Variants in DAB1 observed in about 807,000 individuals in gnomAD.
DAB1 encodes disabled homolog 1.
In DAB1, 15 loss-of-function variants were observed where a neutral mutation model predicts 64.6. The observed-to-expected ratio is 0.23, with a 90% CI of 0.16 to 0.36. The LOEUF (loss-of-function observed/expected upper bound fraction) is 0.36. DAB1 is among the 10% of genes least tolerant of loss of function. DAB1 has a pLI of 1.00. For missense variants in DAB1, 596 were observed against 706.7 expected, an observed-to-expected ratio of 0.84 and a Z score of 1.78; for synonymous variants, 235 against 251.9, an observed-to-expected ratio of 0.93 and a Z score of 0.64.
chr1:57,537,477 C>T (rs1181899595), intron 7 of DAB1, among the ~76,000 whole-genome samples: 5 of 152,162 alleles, frequency 3.3e-5, no homozygotes, highest in Admixed American at 6.5e-5. Context: ...ATATCAAAAT[C>T]GCCTGGATAG....
intron 1 of DAB1, chr1:57,866,906 T>C (rs1205710760): frequency 6.6e-6 from 1 of 152,132 alleles, no homozygotes; most frequent in Non-Finnish European, 1.5e-5. Flanking sequence ...AGGTGAAAGC[T>C]CCTGGGCCAA....
At chr1:57,734,943 G>T (rs1320867229) in intron 6 of DAB1, among the ~76,000 whole-genome samples, 1 of 152,192 alleles carries the variant, frequency 6.6e-6, no homozygotes, top group Non-Finnish European at 1.5e-5. Context: ...CATTCCAGAA[G>T]AATTGTTTTC....
intron 1 of DAB1, among the ~76,000 whole-genome samples, chr1:57,341,195 G>C (rs931463030): frequency 6.6e-6 from 1 of 152,142 alleles, no homozygotes; most frequent in Non-Finnish European, 1.5e-5. Context: ...CAAAATCTAT[G>C]CTCTTAACCC....
At chr1:58,121,580 T>G (rs1465381737) in intron 5 of DAB1, among the ~76,000 whole-genome samples, 1 of 152,158 alleles carries the variant, frequency 6.6e-6, no homozygotes, top group African/African-American at 2.4e-5. Flanking sequence ...TCTTTCTTAG[T>G]TCTGCCAGCA....
chr1:57,018,352 G>C (rs1287675361), intron 11 of DAB1, among the ~76,000 whole-genome samples: 2 of 152,064 alleles, frequency 1.3e-5, no homozygotes, highest in Non-Finnish European at 2.9e-5. Context: ...TCTACTTACA[G>C]GTATATACAT....
chr1:57,594,809 C>T (rs1645486741), intron 7 of DAB1, among the ~76,000 whole-genome samples: 1 of 152,168 alleles, frequency 6.6e-6, no homozygotes, highest in Non-Finnish European at 1.5e-5. Context: ...CTCCCGGGTT[C>T]ACGCCATTCT....
intron 7 of DAB1, among the ~76,000 whole-genome samples, chr1:57,497,979 G>C (rs1185547297): frequency 6.6e-6 from 1 of 152,234 alleles, no homozygotes; most frequent in Non-Finnish European, 1.5e-5. Context: ...AGTAGTCCCA[G>C]AGGGGAAGCA....
At chr1:57,665,366 A>C (rs1425397309) in intron 6 of DAB1, among the ~76,000 whole-genome samples, 10 of 152,122 alleles carry the variant, frequency 6.6e-5, no homozygotes, top group Non-Finnish European at 1.5e-4. Context: ...TAGTAGGGAG[A>C]TAAGTATGCT....
At chr1:57,921,449 A>T (rs1305968859) in intron 5 of DAB1, among the ~76,000 whole-genome samples, 1 of 152,164 alleles carries the variant, frequency 6.6e-6, no homozygotes, top group Non-Finnish European at 1.5e-5. Context: ...TTGACTCCCT[A>T]ACTAGACATT....
chr1:58,268,042 G>T (rs1300649680), intron 4 of DAB1, among the ~76,000 whole-genome samples: 2 of 151,530 alleles, frequency 1.3e-5, no homozygotes, highest in Non-Finnish European at 2.9e-5. Context: ...TGCATGCTTG[G>T]GCTTTGCGAT....
chr1:57,068,903 G>A (rs1281004753), intron 8 of DAB1, among the ~76,000 whole-genome samples: 1 of 152,128 alleles, frequency 6.6e-6, no homozygotes, highest in Non-Finnish European at 1.5e-5. Context: ...TAAAATAAGG[G>A]TAAAGCCTTT....
chr1:57,225,564 C>A (rs1174563458), intron 2 of DAB1, among the ~76,000 whole-genome samples: 2 of 152,250 alleles, frequency 1.3e-5, no homozygotes, highest in East Asian at 3.9e-4. Context: ...GGATAGCAGC[C>A]ACAGTCCCTG....
intron 2 of DAB1, among the ~76,000 whole-genome samples, chr1:57,187,357 TCTC>T (rs1663669903): frequency 6.6e-6 from 1 of 152,146 alleles, no homozygotes; most frequent in Non-Finnish European, 1.5e-5. Context: ...TCTTTATAAA[TCTC>T]CTCACATCAT....
chr1:57,035,662 T>C (rs1647118071), intron 9 of DAB1, among the ~76,000 whole-genome samples: 1 of 152,152 alleles, frequency 6.6e-6, no homozygotes, highest in African/African-American at 2.4e-5. Flanking sequence ...ACCTCAGTTT[T>C]CTCATCTTTA....
At chr1:57,237,877 G>A (rs374167867) in intron 2 of DAB1, among the ~76,000 whole-genome samples, 1 of 152,198 alleles carries the variant, frequency 6.6e-6, no homozygotes, top group Non-Finnish European at 1.5e-5. Context: ...ATCTTGAAGA[G>A]TGCATTGGAT....
At chr1:57,373,813 A>C (rs1291924808) in intron 1 of DAB1, among the ~76,000 whole-genome samples, 4 of 152,194 alleles carry the variant, frequency 2.6e-5, no homozygotes, top group Non-Finnish European at 4.4e-5. Context: ...GGTTCTTATA[A>C]AATTTGAGTT....
Position 58,457,634 on chromosome 1 carries a change from C to G in DAB1, n.257+48426G>C, listed in dbSNP as rs1485572311. Among the ~76,000 whole-genome samples, 4 of 152,190 alleles carry G rather than the reference C, an allele frequency of 2.6e-5. No homozygotes were observed. In the East Asian group the frequency reaches 7.7e-4, roughly 29 times the overall value. ...TGACATTTAGGGCTGCTCTGGCCTC[C>G]CTGTCATGGAGTCTCATCATTAATT... On this transcript the variant is annotated intron_variant and non_coding_transcript_variant, in intron 3 of 20. Coordinates refer to the DAB1 transcript ENST00000485760.
intron 7 of DAB1, among the ~76,000 whole-genome samples, chr1:57,440,233 C>T (rs927200237): frequency 6.6e-6 from 1 of 152,138 alleles, no homozygotes; most frequent in Non-Finnish European, 1.5e-5. Flanking sequence ...GTGTTGGAGC[C>T]ATTTTCACAT....
At chr1:57,044,831 C>T (rs994021857) in intron 9 of DAB1, among the ~76,000 whole-genome samples, 1 of 152,154 alleles carries the variant, frequency 6.6e-6, no homozygotes, top group Non-Finnish European at 1.5e-5. Flanking sequence ...ATATTAAGAC[C>T]TCCTCTCTTC....
Sources: allele counts gnomAD v4.1 joint callset (sites outside exome capture counted in the v4.1 genomes callset), GRCh38; gene constraint gnomAD v4.1.1; transcripts MANE v1.5; gene names NCBI Gene and HGNC (gene_info 2026-07-23, HGNC 2026-07-21).